The following GLIPR2 variants were observed in gnomAD, a reference collection of about 807,000 sequenced individuals.
GLIPR2 encodes GLI pathogenesis related 2.
Under a neutral mutation model 20.4 loss-of-function variants are expected in GLIPR2, and 21 were observed. The observed-to-expected ratio is 1.03, with a 90% CI of 0.73 to 1.48. The LOEUF is 1.48. GLIPR2 is among the 40% of genes most tolerant of loss of function. GLIPR2 has a pLI of 0.00. For missense variants in GLIPR2, 205 were observed against 200.1 expected (o/e 1.02, Z -0.15); for synonymous variants, 91 against 80.5 (o/e 1.13, Z -0.70).
intron 4 of GLIPR2, among the ~76,000 whole-genome samples, chr9:36,151,425 C>G (rs1825580815): frequency 6.6e-6 from 1 of 152,194 alleles, no homozygotes; most frequent in Non-Finnish European, 1.5e-5. Flanking sequence ...GCTGCTGGCA[C>G]TCCTCCTTCC....
intron 1 of GLIPR2, among the ~76,000 whole-genome samples, chr9:36,142,818 C>G (rs1310182981): frequency 2.0e-5 from 3 of 152,052 alleles, no homozygotes; most frequent in African/African-American, 7.2e-5. Context: ...GGCAGGCCCT[C>G]TCAGAGGAGC....
intron 2 of GLIPR2, 92 bp from the exon 3 acceptor site, chr9:36,148,455 G>T: frequency 1.2e-6 from 1 of 854,770 alleles, no homozygotes. Flanking sequence ...GCCCGGGGCA[G>T]GGAAGGAAGC....
chr9:36,150,665 C>T (rs561936913), intron 3 of GLIPR2, among the ~76,000 whole-genome samples: 6 of 152,196 alleles, frequency 3.9e-5, no homozygotes, highest in African/African-American at 9.7e-5. Flanking sequence ...CCCAGCCCCC[C>T]AGAAGGCCCA....
intron 4 of GLIPR2, among the ~76,000 whole-genome samples, chr9:36,155,450 C>T (rs1371000714): frequency 2.0e-5 from 3 of 151,952 alleles, no homozygotes; most frequent in African/African-American, 4.8e-5. Flanking sequence ...AAAAATTAGC[C>T]GGATGTGGTG....
At chr9:36,142,691 C>T (rs528754991) in intron 1 of GLIPR2, among the ~76,000 whole-genome samples, 91 of 152,172 alleles carry the variant, frequency 6.0e-4, no homozygotes, top group African/African-American at 1.6e-3. Flanking sequence ...GGGAGATGGA[C>T]GACTTTTCTT....
chr9:36,153,076 G>A (rs995061318), intron 4 of GLIPR2, among the ~76,000 whole-genome samples: 2 of 148,292 alleles, frequency 1.3e-5, no homozygotes, highest in East Asian at 2.0e-4. Flanking sequence ...TGCCGTGAGC[G>A]GAGATCGCCC....
intron 1 of GLIPR2, among the ~76,000 whole-genome samples, chr9:36,141,183 G>T (rs114827534): frequency 6.6e-6 from 1 of 152,096 alleles, no homozygotes. Context: ...GCCTTGTGAG[G>T]TAGATACTGC....
In GLIPR2 at chr9:36,148,541, C is replaced by T. The variant is rs764574678; in HGVS notation, c.123-6C>T. On this transcript the variant is annotated splice_polypyrimidine_tract_variant and splice_region_variant and intron_variant, in intron 2 of 4. Coordinates refer to ENST00000377960, the MANE Select transcript of GLIPR2 (RefSeq NM_022343.4). ...CTGCTCTGAGGAGGCGCTGTGAACT[C>T]TGCAGGTATTCTGAGGCCCTGGCCA... 1 of 1,610,274 alleles carries T rather than the reference C, an allele frequency of 6.2e-7. No individual in the cohort carries two copies. The highest frequency in any genetic ancestry group is 8.5e-7 in the Non-Finnish European group (1 of 1,176,580).
intron 4 of GLIPR2, among the ~76,000 whole-genome samples, chr9:36,154,321 C>T (rs948502787): frequency 1.3e-5 from 2 of 152,074 alleles, no homozygotes; most frequent in Non-Finnish European, 2.9e-5. Context: ...CAAGAGACAA[C>T]GAGAGATACC....
intron 1 of GLIPR2, among the ~76,000 whole-genome samples, chr9:36,141,073 GTAA>G (rs1323527345): frequency 6.6e-6 from 1 of 152,194 alleles, no homozygotes; most frequent in Non-Finnish European, 1.5e-5. Context: ...CTGTCCGATG[GTAA>G]TAATAATCAT....
Position 36,150,876 on chromosome 9 carries a change from GGAGGTGGCTGATA to G in GLIPR2, c.234_246del (p.Glu78AspfsTer85). ...AACAATGTCATTTCCACACAGGAAAGGAGGTGGCTGATAGATGGTACAGTGAAATCAAGAACTA... is the reference window on the plus strand; with the variant it reads ...AACAATGTCATTTCCACACAGGAAAGGATGGTACAGTGAAATCAAGAACTA... On this transcript the variant is annotated frameshift_variant, in exon 4 of 5. Transcript: ENST00000377960. LOFTEE classifies it high-confidence loss of function. The G allele has an allele frequency of 6.2e-7, 1 of 1,610,870 alleles. No individual in the cohort carries two copies. Among genetic ancestry groups the G allele is most frequent in the Non-Finnish European group, 8.5e-7 (1 of 1,177,160 alleles).
intron 1 of GLIPR2, among the ~76,000 whole-genome samples, chr9:36,143,001 C>T (rs566124568): frequency 8.5e-4 from 130 of 152,256 alleles, no homozygotes; most frequent in African/African-American, 2.9e-3. Flanking sequence ...AGGAGCCTGG[C>T]GTTGGCGGAC....
At chr9:36,160,844 C>T (rs1176168302) in intron 4 of GLIPR2, among the ~76,000 whole-genome samples, 2 of 152,106 alleles carry the variant, frequency 1.3e-5, no homozygotes, top group Non-Finnish European at 2.9e-5. Flanking sequence ...GAGTTCAACA[C>T]CAGCCTGGAC....
chr9:36,145,430 C>T (rs12347093), intron 1 of GLIPR2, among the ~76,000 whole-genome samples: 2,257 of 152,346 alleles, frequency 0.015, 59 homozygotes, highest in African/African-American at 0.05. Flanking sequence ...TGCCTCCCTT[C>T]CGTATGGGAG....
chr9:36,148,936 T>A (rs1001917874), intron 3 of GLIPR2, among the ~76,000 whole-genome samples: 1 of 151,922 alleles, frequency 6.6e-6, no homozygotes, highest in Non-Finnish European at 1.5e-5. Context: ...GGAGTGGGGG[T>A]TGGGGAGACA....
chr9:36,139,670 A>G (rs1451947975), intron 1 of GLIPR2, among the ~76,000 whole-genome samples: 1 of 152,186 alleles, frequency 6.6e-6, no homozygotes, highest in Non-Finnish European at 1.5e-5. Context: ...ACTGCACAGG[A>G]GCCAGTCTCT....
chr9:36,149,787 G>A (rs1213257784), intron 3 of GLIPR2, among the ~76,000 whole-genome samples: 2 of 152,206 alleles, frequency 1.3e-5, no homozygotes, highest in African/African-American at 4.8e-5. Context: ...CAGCACTTTG[G>A]GAGGCCGAGG....
chr9:36,156,444 T>G (rs1825838274), intron 4 of GLIPR2, among the ~76,000 whole-genome samples: 1 of 139,360 alleles, frequency 7.2e-6, no homozygotes, highest in Non-Finnish European at 1.6e-5. Context: ...TAACTGAAAA[T>G]TTACCATTTT....
At position 36,147,817 on chromosome 9, in the gene GLIPR2, G is replaced by T. The variant is rs140959136; in HGVS notation, c.45G>T (p.Lys15Asn). The T allele has an allele frequency of 1.3e-6, 2 of 1,585,352 alleles. No homozygotes were observed. Among genetic ancestry groups the T allele is most frequent in the Admixed American group, 3.3e-5 (2 of 59,988 alleles). ...ASKQFHNEVLKAHNEYRQKHG... is the reference protein window; with the variant it reads ...ASKQFHNEVLNAHNEYRQKHG... ...AACAGTTTCATAATGAGGTCCTGAA[G>T]GCCCACAATGAGTACCGGCAGAAGC... The change falls in exon 2 of 5, where the codon AAG (lysine) becomes AAT (asparagine). Residue 15 changes from lysine to asparagine, a missense_variant. Lys to Asn is a moderately conservative substitution (Grantham distance 94). Transcript: ENST00000377960.
Sources: allele counts gnomAD v4.1 joint callset (sites outside exome capture counted in the v4.1 genomes callset), GRCh38; gene constraint gnomAD v4.1.1; transcripts MANE v1.5; gene names NCBI Gene and HGNC (gene_info 2026-07-23, HGNC 2026-07-21).